Variants in RAB27B observed in about 807,000 individuals in gnomAD.
The protein encoded by RAB27B is ras-related protein Rab-27B.
RAB27B carries 15 observed loss-of-function variants against 24.6 expected under a neutral mutation model. That is an observed-to-expected ratio of 0.61 (90% CI 0.41 to 0.94). RAB27B has a LOEUF of 0.94. Ranked by LOEUF, RAB27B falls within the 40% of genes least tolerant of loss-of-function variation. RAB27B has a pLI of 0.00. For synonymous variants in RAB27B, 105 were observed against 92.5 expected (o/e 1.14, Z -0.78); for missense variants, 261 against 266.8 (o/e 0.98, Z 0.15).
chr18:54,763,902 G>A (rs963789158), intron 2 of RAB27B, among the ~76,000 whole-genome samples: 2 of 152,102 alleles, frequency 1.3e-5, no homozygotes, highest in African/African-American at 4.8e-5. Flanking sequence ...TTTGCTAAGG[G>A]AAGAAGTATT....
intron 2 of RAB27B, among the ~76,000 whole-genome samples, chr18:54,741,399 G>T (rs1360815683): frequency 6.6e-6 from 1 of 152,120 alleles, no homozygotes; most frequent in Non-Finnish European, 1.5e-5. Flanking sequence ...TCACTGTTGT[G>T]CATCTGGCTT....
intron 1 of RAB27B, among the ~76,000 whole-genome samples, chr18:54,842,985 A>G (rs984841001): frequency 6.6e-6 from 1 of 152,012 alleles, no homozygotes; most frequent in African/African-American, 2.4e-5. Context: ...TTTAGTAGAG[A>G]CGGTGTTTCA....
intron 2 of RAB27B, among the ~76,000 whole-genome samples, chr18:54,787,208 C>T: frequency 6.6e-6 from 1 of 152,194 alleles, no homozygotes; most frequent in East Asian, 1.9e-4. Flanking sequence ...GAGGTACCAG[C>T]TGCCAGCTCG....
chr18:54,763,285 T>A (rs1187723256), intron 2 of RAB27B, among the ~76,000 whole-genome samples: 2 of 152,146 alleles, frequency 1.3e-5, no homozygotes, highest in African/African-American at 4.8e-5. Flanking sequence ...ATTCATCATT[T>A]TATATATATG....
chr18:54,819,841 A>G (rs1022312200), intron 2 of RAB27B, among the ~76,000 whole-genome samples: 4 of 144,292 alleles, frequency 2.8e-5, no homozygotes, highest in African/African-American at 7.7e-5. Flanking sequence ...TAATTGTTCA[A>G]TTCCCACCTA....
chr18:54,729,819 T>C (rs1194884898), intron 2 of RAB27B, among the ~76,000 whole-genome samples: 2 of 152,136 alleles, frequency 1.3e-5, no homozygotes, highest in African/African-American at 4.8e-5. Flanking sequence ...AATCCACTTA[T>C]GTGCTTCTTA....
chr18:54,740,615 AGTGGCTAAAGTG>A, intron 2 of RAB27B, among the ~76,000 whole-genome samples: 1 of 152,174 alleles, frequency 6.6e-6, no homozygotes. Context: ...ATGACCTAGG[AGTGGCTAAAGTG>A]GTCCTGTTGG....
intron 1 of RAB27B, among the ~76,000 whole-genome samples, chr18:54,854,276 C>T (rs1034198517): frequency 2.6e-5 from 4 of 152,174 alleles, no homozygotes; most frequent in African/African-American, 9.7e-5. Context: ...TTCAGATCCT[C>T]CCACCCATCC....
intron 2 of RAB27B, among the ~76,000 whole-genome samples, chr18:54,808,603 G>C (rs1427361932): frequency 6.6e-6 from 1 of 152,208 alleles, no homozygotes; most frequent in Admixed American, 6.5e-5. Context: ...ATGTGAGTAT[G>C]CTAAAAAGGT....
intron 2 of RAB27B, among the ~76,000 whole-genome samples, chr18:54,728,909 A>AAG: frequency 6.9e-6 from 1 of 144,380 alleles, no homozygotes; most frequent in Non-Finnish European, 1.5e-5. Flanking sequence ...AACCCAAAAA[A>AAG]AAAAAAAAAA....
chr18:54,884,824 T>C (rs758688274), intron 4 of RAB27B, among the ~76,000 whole-genome samples: 1 of 152,132 alleles, frequency 6.6e-6, no homozygotes, highest in Non-Finnish European at 1.5e-5. Flanking sequence ...AAATCGGCAG[T>C]ATTTTCTGAG....
intron 2 of RAB27B, among the ~76,000 whole-genome samples, chr18:54,737,716 G>T (rs1465244842): frequency 6.6e-6 from 1 of 152,170 alleles, no homozygotes; most frequent in Non-Finnish European, 1.5e-5. Context: ...GGAGAAAGGA[G>T]AAATCTTTAA....
In RAB27B at chr18:54,893,359, A is replaced by G. The variant is rs1913444873; in HGVS notation, c.*3946A>G. The G allele has an allele frequency of 6.6e-6, 1 of 152,054 alleles. No homozygotes were observed. Among genetic ancestry groups the G allele is most frequent in the Non-Finnish European group, 1.5e-5 (1 of 67,946 alleles). The allele number at this position is 152,054 out of a possible 1,614,324, so 9.4% of individuals were successfully genotyped here. Reference sequence around the variant, plus strand: ...TTATAAAGAAGGTCTAAGAGCTGATATTTGCCAAAGTGATAGAAGAGTTGT... The same window carrying G: ...TTATAAAGAAGGTCTAAGAGCTGATGTTTGCCAAAGTGATAGAAGAGTTGT... On this transcript the variant is annotated 3_prime_UTR_variant, in exon 6 of 6. Coordinates refer to ENST00000262094, the MANE Select transcript of RAB27B (RefSeq NM_004163.4).
chr18:54,720,793 C>T (rs1909336226), intron 2 of RAB27B, among the ~76,000 whole-genome samples: 1 of 152,062 alleles, frequency 6.6e-6, no homozygotes, highest in Non-Finnish European at 1.5e-5. Flanking sequence ...GGAAGAATAA[C>T]AAACGGTCCT....
chr18:54,810,841 TAAATAAA>T (rs1909938895), intron 2 of RAB27B, among the ~76,000 whole-genome samples: 1 of 94,246 alleles, frequency 1.1e-5, no homozygotes. Flanking sequence ...TCAAAATAAA[TAAATAAA>T]TAAATAAATA....
chr18:54,809,606 A>G (rs1375249824), intron 2 of RAB27B, among the ~76,000 whole-genome samples: 1 of 152,242 alleles, frequency 6.6e-6, no homozygotes, highest in Non-Finnish European at 1.5e-5. Flanking sequence ...TTAATGAAGG[A>G]AAGTTTTAGC....
chr18:54,789,942 C>CT (rs1473419759), intron 2 of RAB27B, among the ~76,000 whole-genome samples: 4 of 152,022 alleles, frequency 2.6e-5, no homozygotes, highest in African/African-American at 9.7e-5. Flanking sequence ...AATTGCTATA[C>CT]TTTTTTAAAA....
intron 1 of RAB27B, among the ~76,000 whole-genome samples, chr18:54,838,652 A>C (rs1479784533): frequency 6.6e-6 from 1 of 152,144 alleles, no homozygotes; most frequent in Non-Finnish European, 1.5e-5. Flanking sequence ...TTTTTCATAA[A>C]AGCTCCCTAT....
chr18:54,880,525 G>A (rs7231363), intron 3 of RAB27B: 38,116 of 151,930 alleles, frequency 0.25, 5,031 homozygotes, highest in South Asian at 0.37. Context: ...CGCTTTTAGC[G>A]AGTGTAAATG....
Sources: allele counts gnomAD v4.1 joint callset (sites outside exome capture counted in the v4.1 genomes callset), GRCh38; gene constraint gnomAD v4.1.1; transcripts MANE v1.5; gene names NCBI Gene and HGNC (gene_info 2026-07-23, HGNC 2026-07-21).